The following HEATR5B variants were observed in gnomAD, a reference collection of about 807,000 sequenced individuals.
The protein encoded by HEATR5B is HEAT repeat-containing protein 5B.
In HEATR5B, 156 loss-of-function variants were observed where a neutral mutation model predicts 224.1. The ratio of observed to expected loss-of-function variants is 0.70; its 90% CI spans 0.61 to 0.80. The LOEUF (loss-of-function observed/expected upper bound fraction) is 0.80. HEATR5B is among the 30% of genes least tolerant of loss of function. HEATR5B has a pLI of 0.00. For synonymous variants in HEATR5B, 1,027 were observed against 893.0 expected (o/e 1.15, Z -2.68); for missense variants, 2,323 against 2,535.5 (o/e 0.92, Z 1.80).
chr2:37,053,520 A>G lies in HEATR5B; in HGVS notation c.2487T>C (p.Ala829=). 3.1e-6 allele frequency: 5 copies of G among 1,601,250 alleles called. No homozygotes were observed. Among genetic ancestry groups the G allele is most frequent in the Non-Finnish European group, 4.3e-6 (5 of 1,170,766 alleles). Residue 829 remains alanine, a synonymous_variant, in exon 17 of 36, where the codon GCT becomes GCC. Coordinates refer to ENST00000233099, the MANE Select transcript of HEATR5B (RefSeq NM_019024.3). Reference sequence around the variant, plus strand: ...TAAATACCTTTAGTGCACTAAGAACAGCAGTAAATATGTTAAGCTGCACAG... The same window carrying G: ...TAAATACCTTTAGTGCACTAAGAACGGCAGTAAATATGTTAAGCTGCACAG... ...QQAVQLNIFT[A]VLSALKGLAE...
chr2:37,076,864 C>G, intron 4 of HEATR5B, 47 bp downstream of exon 4: 1 of 1,411,028 alleles, frequency 7.1e-7, no homozygotes, highest in South Asian at 1.2e-5. Flanking sequence ...TGACATCTAA[C>G]TCTTGCCACA....
chr2:37,070,448 A>G, intron 6 of HEATR5B, 61 bp from the exon 7 acceptor site: 1 of 1,286,186 alleles, frequency 7.8e-7, no homozygotes, highest in Non-Finnish European at 1.1e-6. Flanking sequence ...TAGCTTAATA[A>G]TTCAAGTAAT....
chr2:37,053,021 C>T (rs1245331456), intron 17 of HEATR5B, among the ~76,000 whole-genome samples: 1 of 152,110 alleles, frequency 6.6e-6, no homozygotes, highest in African/African-American at 2.4e-5. Context: ...TTCTTCATAC[C>T]TGTAGAAACT....
chr2:37,023,596 T>G (rs200665781), intron 24 of HEATR5B, among the ~76,000 whole-genome samples: 1 of 151,848 alleles, frequency 6.6e-6, no homozygotes, highest in South Asian at 2.1e-4. Context: ...TGGTGAAACC[T>G]CGTCTCTACT....
At chr2:37,065,040 T>C (rs772055361) in intron 9 of HEATR5B, 50 bp from the exon 10 acceptor site, 1 of 1,559,700 alleles carries the variant, frequency 6.4e-7, no homozygotes, top group Non-Finnish European at 8.8e-7. Flanking sequence ...TCAAATGATT[T>C]CAGAAACTCA....
intron 27 of HEATR5B, among the ~76,000 whole-genome samples, chr2:37,012,696 G>A (rs1351734842): frequency 2.6e-5 from 4 of 152,212 alleles, no homozygotes; most frequent in African/African-American, 7.2e-5. Flanking sequence ...GGCCTAGGGC[G>A]CAGTTTTAGA....
At chr2:37,008,898 T>A (rs1163404273) in intron 27 of HEATR5B, 50 bp from the exon 28 acceptor site, 1 of 1,094,336 alleles carries the variant, frequency 9.1e-7, no homozygotes, top group Non-Finnish European at 1.3e-6. Flanking sequence ...GATAAAAAAA[T>A]AAGATATTTT....
Position 37,056,550 on chromosome 2 carries a change from G to C in HEATR5B, c.2289C>G (p.Arg763=), listed in dbSNP as rs1268053846. 6.2e-7 allele frequency: 1 copy of C among 1,613,488 alleles called. No individual in the cohort carries two copies. The highest frequency in any genetic ancestry group is 1.7e-5 in the Admixed American group (1 of 59,950). The stretch of plus-strand genomic sequence containing the variant: ...CAGGTACTGCTTCTCCAGCAGGTAT[G>C]CGTAAATAAATAGAGGAAGGATCAT... The part of the protein sequence containing the change: ...LEHDPSSIYL[R]IPAGEAVPGP... Residue 763 remains arginine (R), a synonymous_variant, in exon 16 of 36, where the codon CGC becomes CGG. Transcript: ENST00000233099.
chr2:37,037,885 G>A lies in HEATR5B; in HGVS notation c.3186C>T (p.Val1062=), dbSNP rs775266041. 1.2e-5 allele frequency: 19 copies of A among 1,592,890 alleles called. No individual in the cohort carries two copies. The highest frequency in any genetic ancestry group is 1.6e-5 in the Non-Finnish European group (19 of 1,167,502). The change falls in exon 21 of 36, where the codon GTC becomes GTT. Residue 1062 remains valine, a synonymous_variant. Coordinates refer to ENST00000233099, the MANE Select transcript of HEATR5B (RefSeq NM_019024.3). The part of the protein sequence containing the change: ...QQLHMFAPRH[V]NLSSLVPSLC... ...GGCTAGGAACAAGGCTAGATAGATT[G>A]ACATGTCGTGGTGCAAACATGTGAA...
chr2:37,083,209 A>G (rs902073866), intron 2 of HEATR5B, 80 bp downstream of exon 2: 5 of 1,529,798 alleles, frequency 3.3e-6, no homozygotes, highest in Middle Eastern at 1.7e-4. Flanking sequence ...CTTCCAAAAC[A>G]TAACATGTGT....
rs1236938378 is a variant in HEATR5B, at chr2:37,072,369, T to C, written c.598-88A>G. On this transcript the variant is annotated intron_variant, in intron 5 of 35. Transcript: ENST00000233099. ...CAAGAACCAGACTTACCACCTCTCC[T>C]GAGATAACCAAAAAACTCGACAAAA... 3 of 833,488 alleles carry C rather than the reference T, an allele frequency of 3.6e-6. No homozygotes were observed. In the African/African-American group the frequency reaches 5.1e-5, roughly 14 times the overall value. The allele number at this position is 833,488 out of a possible 1,614,324, so 51.6% of individuals were successfully genotyped here. A position where few individuals can be genotyped will look rare whatever the true frequency, so the allele number is the denominator to read the frequency against.
intron 34 of HEATR5B, among the ~76,000 whole-genome samples, chr2:36,989,891 A>T (rs999874806): frequency 2.8e-5 from 4 of 143,598 alleles, no homozygotes; most frequent in Admixed American, 1.4e-4. Flanking sequence ...GGAATCCAAG[A>T]ATGTTTCCTT....
intron 27 of HEATR5B, among the ~76,000 whole-genome samples, chr2:37,013,517 T>G (rs1287718729): frequency 6.6e-6 from 1 of 152,144 alleles, no homozygotes; most frequent in African/African-American, 2.4e-5. Flanking sequence ...AGACCCTACC[T>G]TTAAAAAAAA....
At chr2:37,010,088 A>G (rs1326747370) in intron 27 of HEATR5B, among the ~76,000 whole-genome samples, 1 of 152,140 alleles carries the variant, frequency 6.6e-6, no homozygotes, top group Non-Finnish European at 1.5e-5. Context: ...AATTTCAAAG[A>G]TTCTTCTTTA....
At chr2:37,001,488 A>C (rs1281478858) in intron 32 of HEATR5B, among the ~76,000 whole-genome samples, 4 of 152,054 alleles carry the variant, frequency 2.6e-5, no homozygotes, top group Admixed American at 6.5e-5. Context: ...GCTGAAATTT[A>C]TCTCTTTATC....
Position 37,064,836 on chromosome 2 carries a change from G to C in HEATR5B, c.1488C>G (p.Thr496=). The C allele has an allele frequency of 6.2e-7, 1 of 1,614,032 alleles. No homozygotes were observed. The highest frequency in any genetic ancestry group is 8.5e-7 in the Non-Finnish European group (1 of 1,179,996). Residue 496 remains threonine, a synonymous_variant, in exon 10 of 36, where the codon ACC becomes ACG. Coordinates refer to ENST00000233099, the MANE Select transcript of HEATR5B (RefSeq NM_019024.3). ...TATATCCACTGACAGCTTCTGGTGAGGTCTTCAAGTTGTTGAGCCGTTCTG... is the reference window on the plus strand; with the variant it reads ...TATATCCACTGACAGCTTCTGGTGACGTCTTCAAGTTGTTGAGCCGTTCTG... ...RCAERLNNLK[T]SPEAVSGYSF... is the part of the protein sequence containing the mutation.
chr2:37,076,420 T>A (rs1672234962), intron 4 of HEATR5B, among the ~76,000 whole-genome samples: 1 of 152,076 alleles, frequency 6.6e-6, no homozygotes, highest in South Asian at 2.1e-4. Context: ...GAGAGATGCA[T>A]CTACAAGCCA....
chr2:37,044,365 T>C (rs1159204456), intron 18 of HEATR5B, among the ~76,000 whole-genome samples: 2 of 152,238 alleles, frequency 1.3e-5, no homozygotes, highest in Non-Finnish European at 2.9e-5. Flanking sequence ...TGAAATCAGA[T>C]AGTACCTAGT....
intron 27 of HEATR5B, among the ~76,000 whole-genome samples, chr2:37,013,335 T>C (rs569323759): frequency 2.1e-5 from 3 of 146,278 alleles, no homozygotes; most frequent in Non-Finnish European, 4.6e-5. Flanking sequence ...TAAAACAATG[T>C]AATTATATAT....
Sources: allele counts gnomAD v4.1 joint callset (sites outside exome capture counted in the v4.1 genomes callset), GRCh38; gene constraint gnomAD v4.1.1; transcripts MANE v1.5; gene names NCBI Gene and HGNC (gene_info 2026-07-23, HGNC 2026-07-21).